CADM1: variants seen among roughly 807,000 people sequenced by gnomAD.
CADM1 encodes the protein cell adhesion molecule 1.
CADM1 carries 15 observed loss-of-function variants against 53.1 expected under a neutral mutation model. The observed-to-expected ratio is 0.28, with a 90% CI of 0.19 to 0.44. The LOEUF (loss-of-function observed/expected upper bound fraction) is 0.44. CADM1 is among the 20% of genes least tolerant of loss of function. The pLI is 1.00. For missense variants in CADM1, 434 were observed against 611.3 expected, an observed-to-expected ratio of 0.71 and a Z score of 3.06; for synonymous variants, 281 against 243.0, an observed-to-expected ratio of 1.16 and a Z score of -1.45.
chr11:115,235,762 G>A (rs1349593406), intron 3 of CADM1, among the ~76,000 whole-genome samples: 1 of 152,038 alleles, frequency 6.6e-6, no homozygotes, highest in African/African-American at 2.4e-5. Context: ...TCTTAAGAAC[G>A]AACACTAATC....
At chr11:115,374,654 C>T (rs555853632) in intron 1 of CADM1, among the ~76,000 whole-genome samples, 1 of 152,116 alleles carries the variant, frequency 6.6e-6, no homozygotes, top group South Asian at 2.1e-4. Context: ...CCCTCCCATA[C>T]CCCAAAAAAG....
intron 9 of CADM1, among the ~76,000 whole-genome samples, chr11:115,194,957 A>G (rs1405217004): frequency 6.6e-6 from 1 of 152,182 alleles, no homozygotes; most frequent in Non-Finnish European, 1.5e-5. Context: ...TCACTCATGC[A>G]TTTCTCAGAC....
intron 1 of CADM1, among the ~76,000 whole-genome samples, chr11:115,412,948 T>C (rs1404490377): frequency 1.3e-5 from 2 of 152,176 alleles, no homozygotes; most frequent in Non-Finnish European, 2.9e-5. Flanking sequence ...TCCTAAAACC[T>C]GAAGCAAGTA....
intron 1 of CADM1, among the ~76,000 whole-genome samples, chr11:115,501,886 C>T (rs1053135612): frequency 1.3e-5 from 2 of 152,132 alleles, no homozygotes; most frequent in East Asian, 1.9e-4. Flanking sequence ...CCAAGACCTC[C>T]TCTCAAACTC....
At chr11:115,479,810 T>C (rs1949219042) in intron 1 of CADM1, among the ~76,000 whole-genome samples, 1 of 152,224 alleles carries the variant, frequency 6.6e-6, no homozygotes, top group African/African-American at 2.4e-5. Flanking sequence ...TGCTTCTTAG[T>C]TCTTGTCTAG....
intron 10 of CADM1, among the ~76,000 whole-genome samples, chr11:115,181,164 AG>A (rs1939292784): frequency 1.6e-5 from 1 of 60,718 alleles, no homozygotes; most frequent in Admixed American, 1.7e-4. Flanking sequence ...TGGAAGCCTG[AG>A]GGGGGAGGGG....
At chr11:115,249,895 C>T (rs10502199) in intron 1 of CADM1, among the ~76,000 whole-genome samples, 14,551 of 152,208 alleles carry the variant, frequency 0.096, 966 homozygotes, top group Non-Finnish European at 0.15. Flanking sequence ...AGGCTGTTCA[C>T]AATACTTGCC....
rs1251026822 is a variant in CADM1 at position 115,491,313 on chromosome 11, C to T, written c.124+12958G>A. On this transcript the variant is annotated intron_variant, in intron 1 of 11. Coordinates refer to ENST00000331581, the MANE Select transcript of CADM1 (RefSeq NM_001301043.2). ...GGGCGCAGTGGCTCATGCCTGTAATCCCAGCACTTTGAGAGGCCGAGGTGG... is the reference window on the plus strand; with the variant it reads ...GGGCGCAGTGGCTCATGCCTGTAATTCCAGCACTTTGAGAGGCCGAGGTGG... Among the ~76,000 whole-genome samples, 2 of 152,126 alleles carry T rather than the reference C, an allele frequency of 1.3e-5. 1 individual carries two copies.
chr11:115,418,264 C>T (rs1000080555), intron 1 of CADM1, among the ~76,000 whole-genome samples: 1 of 151,918 alleles, frequency 6.6e-6, no homozygotes, highest in African/African-American at 2.4e-5. Context: ...TAGTATAGCC[C>T]GAGGGTATAA....
intron 1 of CADM1, among the ~76,000 whole-genome samples, chr11:115,364,038 T>G (rs1026624537): frequency 3.3e-5 from 5 of 151,888 alleles, no homozygotes; most frequent in Admixed American, 3.3e-4. Context: ...TTAAATCCAC[T>G]CTATGATCCA....
intron 1 of CADM1, among the ~76,000 whole-genome samples, chr11:115,447,820 C>T (rs1031346032): frequency 1.2e-4 from 19 of 152,208 alleles, no homozygotes; most frequent in Non-Finnish European, 1.8e-4. Context: ...AGTTTCACAG[C>T]ACCACAGCAA....
chr11:115,362,841 G>C (rs566551882), intron 1 of CADM1, among the ~76,000 whole-genome samples: 17 of 152,178 alleles, frequency 1.1e-4, no homozygotes, highest in African/African-American at 3.9e-4. Context: ...ATGTATACTG[G>C]TACCATCATT....
chr11:115,214,724 A>T lies in CADM1; in HGVS notation c.878T>A (p.Leu293Gln). ...ATTGATGAACAGGTTGGGCCCAGAC[A>T]GTACGGCGTGTTGAGGCATTTCATC... ...VDDEMPQHAV[L>Q]SGPNLFINNL... Residue 293 changes from leucine (L) to glutamine (Q), a missense_variant, in exon 7 of 12, where the codon CTG (leucine) becomes CAG (glutamine). By Grantham distance (113) the Leu-to-Gln change is moderately radical. This residue lies in a region of CADM1 where 311 missense variants were observed against 435.1 expected (regional missense o/e 0.71). Transcript: ENST00000331581. 1 of 1,614,102 alleles carries T rather than the reference A, an allele frequency of 6.2e-7. No individual in the cohort carries two copies. Among genetic ancestry groups the T allele is most frequent in the Non-Finnish European group, 8.5e-7 (1 of 1,179,976 alleles).
At chr11:115,208,283 G>C (rs1408705221) in intron 8 of CADM1, among the ~76,000 whole-genome samples, 2 of 152,108 alleles carry the variant, frequency 1.3e-5, no homozygotes, top group Non-Finnish European at 2.9e-5. Context: ...CTTCCTTAAG[G>C]GTTCTTTTTT....
In CADM1 at chr11:115,209,550, T is replaced by C. The variant is rs766250833; in HGVS notation, c.1078+24A>G. 2.5e-6 allele frequency: 4 copies of C among 1,608,960 alleles called. No individual in the cohort carries two copies. The African/African-American group carries it at 5.4e-5, about 22-fold the overall frequency. On this transcript the variant is annotated intron_variant, in intron 8 of 11. Coordinates refer to ENST00000331581, the MANE Select transcript of CADM1 (RefSeq NM_001301043.2). ...AAGACAATATACATTCAGGACATTT[T>C]CAATGGTAATGAAGATACCATACCT...
chr11:115,412,675 G>A (rs1591792088), intron 1 of CADM1, among the ~76,000 whole-genome samples: 2 of 152,152 alleles, frequency 1.3e-5, no homozygotes. Context: ...TGCCACTTTT[G>A]TGCCGACTAC....
intron 1 of CADM1, among the ~76,000 whole-genome samples, chr11:115,352,993 G>T (rs1945775258): frequency 6.6e-6 from 1 of 152,148 alleles, no homozygotes; most frequent in South Asian, 2.1e-4. Flanking sequence ...ACATATGCGT[G>T]CATGCGAACT....
intron 9 of CADM1, among the ~76,000 whole-genome samples, chr11:115,196,217 C>A (rs1321593609): frequency 1.3e-5 from 2 of 152,072 alleles, no homozygotes; most frequent in African/African-American, 4.8e-5. Flanking sequence ...AAAAAGAGAT[C>A]ACCTTCTCTT....
In CADM1 at chr11:115,297,246, G is replaced by C. The variant is rs139656773; in HGVS notation, c.125-56826C>G. On this transcript the variant is annotated intron_variant, in intron 1 of 11. Transcript: ENST00000331581. Reference sequence around the variant, plus strand: ...GGAAATTTTGTGTTAACTATGATCAGAAATGGTGGAAAGCAGAGCTGCACT... The same window carrying C: ...GGAAATTTTGTGTTAACTATGATCACAAATGGTGGAAAGCAGAGCTGCACT... Among the ~76,000 whole-genome samples the C allele has an allele frequency of 6.6e-3, 1,000 of 152,314 alleles. 7 individuals are homozygous for C. The highest frequency in any genetic ancestry group is 0.01 in the Middle Eastern group (3 of 294).
Sources: gnomAD v4.1 joint callset for allele counts (sites outside exome capture counted in the v4.1 genomes callset) on GRCh38, gnomAD v4.1.1 for gene constraint, gnomAD v4.1.1 regional missense constraint, MANE v1.5 for transcripts, NCBI Gene and HGNC (gene_info 2026-07-23, HGNC 2026-07-21) for gene names.